Variants in STRN observed in about 807,000 individuals in gnomAD.
The protein encoded by STRN is protein phosphatase 2 regulatory subunit B'''alpha.
In STRN, 53 loss-of-function variants were observed where a neutral mutation model predicts 96.3. The ratio of observed to expected loss-of-function variants is 0.55; its 90% CI spans 0.44 to 0.69. The LOEUF (loss-of-function observed/expected upper bound fraction) is 0.69, where lower values mean the gene tolerates loss of function less well. Among genes scored for constraint, STRN ranks in the 30% least tolerant of loss-of-function variants. STRN has a pLI of 0.00. For missense variants in STRN, 987 were observed against 963.9 expected (o/e 1.02, Z -0.32); for synonymous variants, 428 against 355.9 (o/e 1.20, Z -2.28).
intron 12 of STRN, among the ~76,000 whole-genome samples, chr2:36,866,151 T>C (rs1307004685): frequency 6.6e-6 from 1 of 152,120 alleles, no homozygotes; most frequent in East Asian, 1.9e-4. Flanking sequence ...CTCAGCTCAC[T>C]GCAAACTCCA....
At chr2:36,959,012 A>T (rs1664964619) in intron 1 of STRN, among the ~76,000 whole-genome samples, 3 of 152,178 alleles carry the variant, frequency 2.0e-5, no homozygotes, top group Admixed American at 2.0e-4. Flanking sequence ...GCTACTCGGG[A>T]GGCTGAGGCA....
rs528432316 is a variant in STRN, at chr2:36,950,968, A to G, written c.234+15262T>C. 1.6e-4 allele frequency among the ~76,000 whole-genome samples: 25 copies of G among 152,350 alleles called. No individual in the cohort carries two copies. In the East Asian group the frequency reaches 3.5e-3, roughly 21 times the overall value. ...AAGCAGAGTTCAAAAAAGTTTAAATATCATAAGATATTGGTAATGTAACAT... is the reference window on the plus strand; with the variant it reads ...AAGCAGAGTTCAAAAAAGTTTAAATGTCATAAGATATTGGTAATGTAACAT... On this transcript the variant is annotated intron_variant, in intron 1 of 17. Coordinates refer to ENST00000263918, the MANE Select transcript of STRN (RefSeq NM_003162.4).
At chr2:36,940,742 CAGG>C (rs1414189870) in intron 1 of STRN, among the ~76,000 whole-genome samples, 2 of 145,154 alleles carry the variant, frequency 1.4e-5, no homozygotes, top group Non-Finnish European at 3.0e-5. Flanking sequence ...GAGGCTGAGG[CAGG>C]AGAATGGTGT....
intron 1 of STRN, among the ~76,000 whole-genome samples, chr2:36,962,266 A>T (rs896483939): frequency 3.3e-5 from 5 of 152,180 alleles, no homozygotes. Context: ...TACAGCCTCC[A>T]CACCACATGC....
At position 36,847,745 on chromosome 2, in the gene STRN, AG is replaced by A. The variant is rs1668114693; in HGVS notation, c.*1710del. 6.6e-6 allele frequency: 1 copy of A among 152,226 alleles called. No homozygotes were observed. Among genetic ancestry groups the A allele is most frequent in the Admixed American group, 6.5e-5 (1 of 15,268 alleles). The allele number at this position is 152,226 out of a possible 1,614,324, so 9.4% of individuals were successfully genotyped here. A position where few individuals can be genotyped will look rare whatever the true frequency, so the allele number is the denominator to read the frequency against. On this transcript the variant is annotated 3_prime_UTR_variant, in exon 18 of 18. Transcript: ENST00000263918. ...AGAGGCAAACAGGCAGAAATTTTAC[AG>A]AAATATTTGTCAATCATTAGCCACA...
Position 36,948,291 on chromosome 2 carries a change from G to A in STRN, c.234+17939C>T, listed in dbSNP as rs1054360629. 4.6e-5 allele frequency among the ~76,000 whole-genome samples: 7 copies of A among 151,460 alleles called. 1 individual carries two copies. Among genetic ancestry groups the A allele is most frequent in the African/African-American group, 1.7e-4 (7 of 41,202 alleles). On this transcript the variant is annotated intron_variant, in intron 1 of 17. Coordinates refer to ENST00000263918, the MANE Select transcript of STRN (RefSeq NM_003162.4). ...TAATTTTTGTACTTTAGTAGAGACG[G>A]GTTTCACCATGTTGGCCAGGCTGGT... is the stretch of plus-strand genomic sequence containing the variant.
In STRN at chr2:36,877,988, A is replaced by C. The variant is rs1295211822; in HGVS notation, c.1226T>G (p.Phe409Cys). The C allele has an allele frequency of 1.2e-6, 2 of 1,614,192 alleles. No individual in the cohort carries two copies. Among genetic ancestry groups the C allele is most frequent in the East Asian group, 4.5e-5 (2 of 44,882 alleles). ...AAGGGCTTCATCTGCTCCCATGATG[A>C]ATGACTTTCCAGAAGAAGGAGGAAA... The part of the protein sequence containing the change: ...LTFPPSSGKS[F>C]IMGADEALES... Residue 409 changes from phenylalanine (F) to cysteine (C), a missense_variant, in exon 10 of 18, where the codon TTC becomes TGC. Transcript: ENST00000263918.
At chr2:36,942,257 A>G (rs1479968151) in intron 1 of STRN, among the ~76,000 whole-genome samples, 2 of 152,176 alleles carry the variant, frequency 1.3e-5, no homozygotes, top group African/African-American at 4.8e-5. Flanking sequence ...GGACAATGGC[A>G]ATCAAGGATG....
At chr2:36,854,627 G>C (rs1668299639) in intron 15 of STRN, among the ~76,000 whole-genome samples, 1 of 152,178 alleles carries the variant, frequency 6.6e-6, no homozygotes, top group Non-Finnish European at 1.5e-5. Context: ...GTATATGTAT[G>C]TCGTATTCTT....
intron 5 of STRN, among the ~76,000 whole-genome samples, chr2:36,900,339 C>G (rs1232290726): frequency 1.3e-5 from 2 of 151,296 alleles, no homozygotes; most frequent in South Asian, 2.1e-4. Context: ...CTCTCTACAA[C>G]TCTCCCTTTG....
chr2:36,886,774 T>C lies in STRN; in HGVS notation c.984A>G (p.Val328=). 1.2e-6 allele frequency: 2 copies of C among 1,613,718 alleles called. No individual in the cohort carries two copies. Among genetic ancestry groups the C allele is most frequent in the South Asian group, 1.1e-5 (1 of 91,034 alleles). The change falls in exon 8 of 18, where the codon GTA becomes GTG. Residue 328 remains valine, a synonymous_variant. Coordinates refer to ENST00000263918, the MANE Select transcript of STRN (RefSeq NM_003162.4). ...TGTATTGTTCCTTGAGTTTGGTAAT[T>C]ACTCCCTGGTCCACATTCCAGGCTT... ...MPEAWNVDQG[V]ITKLKEQYKK...
chr2:36,966,314 C>A lies in STRN; in HGVS notation c.150G>T (p.Pro50=). Residue 50 remains proline (P), a synonymous_variant, in exon 1 of 18, where the codon CCG becomes CCT. Transcript: ENST00000263918. The stretch of plus-strand genomic sequence containing the variant: ...CGTGCTGCAGGAAGTGCAGGATCCC[C>A]GGGAGACTGTACTGGGCTCGGGCCG... ...AGAARAQYSL[P]GILHFLQHEW... 6 of 1,561,724 alleles carry A rather than the reference C, an allele frequency of 3.8e-6. No homozygotes were observed. Among genetic ancestry groups the A allele is most frequent in the Non-Finnish European group, 5.2e-6 (6 of 1,156,566 alleles).
intron 6 of STRN, among the ~76,000 whole-genome samples, chr2:36,895,084 T>C (rs1161119692): frequency 6.6e-6 from 1 of 151,948 alleles, no homozygotes; most frequent in South Asian, 2.1e-4. Context: ...TCCCAGCACT[T>C]TGGGAGGCCG....
intron 8 of STRN, among the ~76,000 whole-genome samples, chr2:36,886,342 T>C (rs1024642845): frequency 3.9e-5 from 6 of 152,302 alleles, no homozygotes; most frequent in African/African-American, 1.4e-4. Context: ...TTTTGGTGGA[T>C]TGCCAGAGGG....
chr2:36,873,409 C>T (rs1479291122), intron 10 of STRN, among the ~76,000 whole-genome samples: 1 of 151,988 alleles, frequency 6.6e-6, no homozygotes, highest in Non-Finnish European at 1.5e-5. Flanking sequence ...AATAATCATG[C>T]TTTAGCTGGG....
intron 13 of STRN, among the ~76,000 whole-genome samples, chr2:36,860,032 A>G (rs1668436679): frequency 6.6e-6 from 1 of 152,206 alleles, no homozygotes; most frequent in Non-Finnish European, 1.5e-5. Context: ...ACTAAACAGA[A>G]GGCAGAGACG....
At chr2:36,858,797 C>G (rs77924495) in intron 13 of STRN, among the ~76,000 whole-genome samples, 5,328 of 152,254 alleles carry the variant, frequency 0.035, 139 homozygotes, top group East Asian at 0.13. Flanking sequence ...AGGCACTATG[C>G]TCAATGATGG....
chr2:36,890,015 G>T (rs1036379112), intron 7 of STRN, among the ~76,000 whole-genome samples: 1 of 152,182 alleles, frequency 6.6e-6, no homozygotes, highest in Admixed American at 6.5e-5. Flanking sequence ...GCTGTCCTCG[G>T]AGAAAAACCA....
chr2:36,847,269 T>C lies in STRN; in HGVS notation c.*2187A>G, dbSNP rs1347088507. ...AACGGGGGAAGAATGTCCTGGTTTT[T>C]AGAATTTCAGTGACATTAATAAAGC... is the stretch of plus-strand genomic sequence containing the variant. On this transcript the variant is annotated 3_prime_UTR_variant, in exon 18 of 18. Coordinates refer to ENST00000263918, the MANE Select transcript of STRN (RefSeq NM_003162.4). 1.3e-5 allele frequency: 2 copies of C among 152,164 alleles called. No homozygotes were observed. Among genetic ancestry groups the C allele is most frequent in the Admixed American group, 6.5e-5 (1 of 15,272 alleles). The allele number at this position is 152,164 out of a possible 1,614,324, so 9.4% of individuals were successfully genotyped here. A position where few individuals can be genotyped will look rare whatever the true frequency, so the allele number is the denominator to read the frequency against.
Sources: allele counts gnomAD v4.1 joint callset (sites outside exome capture counted in the v4.1 genomes callset), GRCh38; gene constraint gnomAD v4.1.1; transcripts MANE v1.5; gene names NCBI Gene and HGNC (gene_info 2026-07-23, HGNC 2026-07-21).